TRIM64C: variants seen among roughly 807,000 people sequenced by gnomAD.
TRIM64C encodes the protein tripartite motif-containing protein 64C.
TRIM64C carries 25 observed loss-of-function variants against 36.1 expected under a neutral mutation model. The observed-to-expected ratio is 0.69, with a 90% confidence interval of 0.51 to 0.97. TRIM64C has a LOEUF of 0.97. Among genes scored for constraint, TRIM64C ranks in the 50% least tolerant of loss-of-function variants. The pLI is 0.00. For synonymous variants in TRIM64C, 212 were observed against 185.7 expected (o/e 1.14, Z -1.15); for missense variants, 489 against 536.8 (o/e 0.91, Z 0.88).
intron 5 of TRIM64C, 101 bp downstream of exon 5, chr11:49,055,209 C>A: frequency 7.0e-7 from 1 of 1,432,170 alleles, no homozygotes. Flanking sequence ...TATGTATTAC[C>A]TACATGTCAA....
In TRIM64C at chr11:49,054,002, C is replaced by G. The variant is rs761452854; in HGVS notation, c.1065G>C (p.Leu355=). Residue 355 remains leucine (L), a synonymous_variant, in exon 6 of 6, where the codon CTG becomes CTC. Coordinates refer to ENST00000617704, the MANE Select transcript of TRIM64C (RefSeq NM_001206631.1). ...CTGTCCTAGAATCTCGACAGACTCC[C>G]AGAATCCAGTTGGAGGAGTGGGTCA... ...VDVTHSSNWI[L]GVCRDSRTAD... The G allele has an allele frequency of 6.4e-6, 10 of 1,551,576 alleles. No individual in the cohort carries two copies. In the South Asian group the frequency reaches 1.2e-4, roughly 18 times the overall value.
At chr11:49,056,516 G>T (rs1854816009) in intron 3 of TRIM64C, 135 bp from the exon 4 acceptor site, 2 of 760,108 alleles carry the variant, frequency 2.6e-6, no homozygotes, top group Middle Eastern at 2.7e-4. Context: ...AATCATTCAA[G>T]GCTATGTTAA....
rs1402536776 is a variant in TRIM64C, at chr11:49,058,695, C to CA, written c.412+5dup. The CA allele has an allele frequency of 6.5e-7, 1 of 1,543,784 alleles. No homozygotes were observed. The highest frequency in any genetic ancestry group is 1.4e-5 in the African/African-American group (1 of 72,542). ...TGTATAATTCAAACTGCCTTAGAGG[C>CA]ATCACGTACCCTGCATTCCTCAGCA... is the stretch of plus-strand genomic sequence containing the variant. On this transcript the variant is annotated splice_donor_region_variant and intron_variant, in intron 1 of 5. Transcript: ENST00000617704.
chr11:49,055,230 A>T, intron 5 of TRIM64C, 80 bp downstream of exon 5: 1 of 1,514,762 alleles, frequency 6.6e-7, no homozygotes, highest in South Asian at 1.2e-5. Context: ...AACTAATAAA[A>T]CGTAAATGGG....
chr11:49,054,600 G>T (rs1322930937), intron 5 of TRIM64C, among the ~76,000 whole-genome samples: 1 of 152,110 alleles, frequency 6.6e-6, no homozygotes, highest in Non-Finnish European at 1.5e-5. Context: ...TGTAAGTTAT[G>T]CCTGTTATAG....
Position 49,058,711 on chromosome 11 carries a change from T to C in TRIM64C, c.402A>G (p.Glu134=). Residue 134 remains glutamate, a synonymous_variant, in exon 1 of 6, where the codon GAA becomes GAG. Transcript: ENST00000617704. ...CCTTAGAGGCATCACGTACCCTGCA[T>C]TCCTCAGCAGCCCATCCTATTGGGC... The part of the protein sequence containing the change: ...SHSPIGWAAE[E]CRVQKLIKEM... 6.5e-7 allele frequency: 1 copy of C among 1,546,076 alleles called. No individual in the cohort carries two copies. The highest frequency in any genetic ancestry group is 8.7e-7 in the Non-Finnish European group (1 of 1,146,442).
Position 49,053,766 on chromosome 11 carries a change from G to A in TRIM64C, c.1301C>T (p.Pro434Leu). 3 of 1,551,102 alleles carry A rather than the reference G, an allele frequency of 1.9e-6. No homozygotes were observed. The highest frequency in any genetic ancestry group is 2.6e-6 in the Non-Finnish European group (3 of 1,146,824). Residue 434 changes from proline to leucine, a missense_variant, in exon 6 of 6, where the codon CCT becomes CTT. By Grantham distance (98) the Pro-to-Leu change is moderately conservative. Transcript: ENST00000617704. ...CCTCAGAGGGGAAGAGAAGGAGGAA[G>A]GAGGAAAACCATAGATAAGAGAACC... ...SKGSLIYGFP[P>L]SSFSSPLRPF...
intron 4 of TRIM64C, 121 bp from the exon 5 acceptor site, chr11:49,055,528 G>A (rs2134719975): frequency 7.5e-7 from 1 of 1,329,280 alleles, no homozygotes; most frequent in Non-Finnish European, 1.0e-6. Flanking sequence ...TTGGTTAACT[G>A]GATGTACATT....
Position 49,054,546 on chromosome 11 carries a change from A to C in TRIM64C, c.860-339T>G, listed in dbSNP as rs140887566. Among the ~76,000 whole-genome samples the C allele has an allele frequency of 6.2e-3, 937 of 152,332 alleles. 14 individuals are homozygous for C. Among genetic ancestry groups the C allele is most frequent in the African/African-American group, 0.022 (898 of 41,582 alleles). ...TGTATTATTTGTCTTTAAGATAATC[A>C]ACAGGTAGACATCAATTTGCTGTGA... is the stretch of plus-strand genomic sequence containing the variant. On this transcript the variant is annotated intron_variant, in intron 5 of 5. Coordinates refer to ENST00000617704, the MANE Select transcript of TRIM64C (RefSeq NM_001206631.1).
rs750737883 is a variant in TRIM64C, at chr11:49,057,127, G to C, written c.738+21C>G. 1.5e-5 allele frequency: 23 copies of C among 1,549,076 alleles called. No individual in the cohort carries two copies. The African/African-American group carries it at 2.8e-4, about 19-fold the overall frequency. ...TCCAGCAAAGGCTTCCTGTCTCTGA[G>C]GATGGACCCTCCCTCCTCACCTGGA... On this transcript the variant is annotated intron_variant, in intron 3 of 5. Coordinates refer to ENST00000617704, the MANE Select transcript of TRIM64C (RefSeq NM_001206631.1).
In TRIM64C at chr11:49,058,144, TAA is replaced by T; in HGVS notation, c.439_440del (p.Leu147MetfsTer16). 1 of 1,530,444 alleles carries T rather than the reference TAA, an allele frequency of 6.5e-7. No individual in the cohort carries two copies. Among genetic ancestry groups the T allele is most frequent in the Non-Finnish European group, 8.7e-7 (1 of 1,144,528 alleles). 94.8% of individuals were successfully genotyped at this position (1,530,444 alleles called of 1,614,324 possible). A position where few individuals can be genotyped will look rare whatever the true frequency, so the allele number is the denominator to read the frequency against. The stretch of plus-strand genomic sequence containing the variant: ...TTTGTGTCTCTTGATTGATTTTCCA[TAA>T]ATAGTCCATTTCCTTTATAAGTTTC... ...VQKLIKEMDYLWKINQETQNN... is the reference protein window; with the variant it reads ...VQKLIKEMDYXWKINQETQNN... On this transcript the variant is annotated frameshift_variant, in exon 2 of 6. Coordinates refer to ENST00000617704, the MANE Select transcript of TRIM64C (RefSeq NM_001206631.1). LOFTEE classifies it high-confidence loss of function.
Position 49,058,862 on chromosome 11 carries a change from T to C in TRIM64C, c.251A>G (p.Asn84Ser), listed in dbSNP as rs750149401. The change falls in exon 1 of 6, where the codon AAC becomes AGC. Residue 84 changes from asparagine to serine, a missense_variant. Physicochemically the swap from Asn to Ser is conservative, Grantham distance 46 (BLOSUM62 1). Transcript: ENST00000617704. ...ASLARQTRPQ[N>S]INSSDNICVL... ...ACAGATATTGTCTGAGCTGTTGATG[T>C]TCTGAGGTCTGGTCTGTCTGGCTAG... The C allele has an allele frequency of 1.3e-6, 2 of 1,549,756 alleles. No individual in the cohort carries two copies. The highest frequency in any genetic ancestry group is 8.7e-7 in the Non-Finnish European group (1 of 1,146,920).
chr11:49,053,833 C>G lies in TRIM64C; in HGVS notation c.1234G>C (p.Asp412His). Reference sequence around the variant, plus strand: ...AAACTCACAGATCCATTATCATAATCCAGAAACACCCCAACCCAACCCAGA... The same window carrying G: ...AAACTCACAGATCCATTATCATAATGCAGAAACACCCCAACCCAACCCAGA... Reference protein sequence around the residue: ...RPLGWVGVFLDYDNGSVSFFD... With the variant: ...RPLGWVGVFLHYDNGSVSFFD... Residue 412 changes from aspartate (D) to histidine (H), a missense_variant, in exon 6 of 6, where the codon GAT becomes CAT. Transcript: ENST00000617704. 6.4e-7 allele frequency: 1 copy of G among 1,551,712 alleles called. No homozygotes were observed. Among genetic ancestry groups the G allele is most frequent in the South Asian group, 1.2e-5 (1 of 84,056 alleles).
Position 49,057,183 on chromosome 11 carries a change from C to T in TRIM64C, c.703G>A (p.Glu235Lys). The T allele has an allele frequency of 6.5e-7, 1 of 1,549,464 alleles. No individual in the cohort carries two copies. The highest frequency in any genetic ancestry group is 2.0e-5 in the Admixed American group (1 of 50,984). The change falls in exon 3 of 6, where the codon GAG becomes AAG. Residue 235 changes from glutamate (E) to lysine (K), a missense_variant. Coordinates refer to ENST00000617704, the MANE Select transcript of TRIM64C (RefSeq NM_001206631.1). ...TCCACGTCAGGCATGTGGTATGTCT[C>T]CCACAGCTCTCTGTACATGTCTTTC... ...GMKDMYRELW[E>K]TYHMPDVELL...
chr11:49,057,877 G>A (rs1383245022), intron 2 of TRIM64C: 14 of 530,816 alleles, frequency 2.6e-5, no homozygotes, highest in South Asian at 7.6e-5. Context: ...ACATCATGCC[G>A]TTTATCCAAT....
Position 49,054,021 on chromosome 11 carries a change from T to A in TRIM64C, c.1046A>T (p.His349Leu). 1 of 1,551,438 alleles carries A rather than the reference T, an allele frequency of 6.4e-7. No individual in the cohort carries two copies. The highest frequency in any genetic ancestry group is 8.7e-7 in the Non-Finnish European group (1 of 1,146,822). Residue 349 changes from histidine to leucine, a missense_variant, in exon 6 of 6, where the codon CAC (histidine) becomes CTC (leucine). Physicochemically the swap from His to Leu is moderately conservative, Grantham distance 99. Transcript: ENST00000617704. ...GACTCCCAGAATCCAGTTGGAGGAG[T>A]GGGTCACATCCACTTCCCAGTAATG... is the stretch of plus-strand genomic sequence containing the variant. Reference protein sequence around the residue: ...GKHYWEVDVTHSSNWILGVCR... With the variant: ...GKHYWEVDVTLSSNWILGVCR...
rs932309721 is a variant in TRIM64C, at chr11:49,057,304, C to G, written c.582G>C (p.Glu194Asp). Residue 194 changes from glutamate (E) to aspartate (D), a missense_variant, in exon 3 of 6, where the codon GAG becomes GAC. Physicochemically the swap from Glu to Asp is conservative, Grantham distance 45 (BLOSUM62 2). Coordinates refer to ENST00000617704, the MANE Select transcript of TRIM64C (RefSeq NM_001206631.1). ...QKMHIFLDEEEQRHLQALERE... is the reference protein window; with the variant it reads ...QKMHIFLDEEDQRHLQALERE... ...TTTCCAGTGCCTGCAGATGCCGTTG[C>G]TCCTCCTCATCGAGAAATATATGCA... The G allele has an allele frequency of 1.3e-6, 2 of 1,549,632 alleles. No individual in the cohort carries two copies. The highest frequency in any genetic ancestry group is 1.7e-6 in the Non-Finnish European group (2 of 1,146,964).
Position 49,058,186 on chromosome 11 carries a change from C to G in TRIM64C, c.413-14G>C. ...TTATAAGTTTCTCTTGCAAAAGAAG[C>G]AAGAAGCTTAGCAATGATGAAGACA... is the stretch of plus-strand genomic sequence containing the variant. On this transcript the variant is annotated splice_polypyrimidine_tract_variant and intron_variant, in intron 1 of 5. Transcript: ENST00000617704. The G allele has an allele frequency of 6.8e-7, 1 of 1,475,792 alleles. No homozygotes were observed. The highest frequency in any genetic ancestry group is 9.1e-7 in the Non-Finnish European group (1 of 1,098,454). 91.4% of individuals were successfully genotyped at this position (1,475,792 alleles called of 1,614,324 possible).
chr11:49,054,381 C>A (rs574302018), intron 5 of TRIM64C, among the ~76,000 whole-genome samples, 174 bp from the exon 6 acceptor site: 1 of 152,252 alleles, frequency 6.6e-6, no homozygotes, highest in African/African-American at 2.4e-5. Flanking sequence ...ACAGCATATA[C>A]AATTATGTAT....
Sources: allele counts gnomAD v4.1 joint callset (sites outside exome capture counted in the v4.1 genomes callset), GRCh38; gene constraint gnomAD v4.1.1; transcripts MANE v1.5; gene names NCBI Gene and HGNC (gene_info 2026-07-23, HGNC 2026-07-21).